Variants in ZNF709 observed in about 807,000 individuals in gnomAD.
The protein encoded by ZNF709 is zinc finger protein 709.
Under a neutral mutation model 10.6 loss-of-function variants are expected in ZNF709, and 15 were observed. The ratio of observed to expected loss-of-function variants is 1.41; its 90% CI spans 0.95 to 2.18. ZNF709 has a LOEUF of 2.18. Ranked by LOEUF, ZNF709 falls within the 30% of genes most tolerant of loss-of-function variation. ZNF709 has a pLI of 0.00. For missense variants in ZNF709, 589 were observed against 774.0 expected (o/e 0.76, Z 2.84); for synonymous variants, 194 against 238.8 (o/e 0.81, Z 1.73).
At chr19:12,466,651 C>T (rs1040504358) in intron 2 of ZNF709, 73 bp downstream of exon 2, 1 of 1,611,200 alleles carries the variant, frequency 6.2e-7, no homozygotes, top group Non-Finnish European at 8.5e-7. Context: ...CATTCTAAAC[C>T]TTGGAACCTT....
In ZNF709 at chr19:12,463,899, C is replaced by A; in HGVS notation, c.*97G>T. 3 of 1,131,852 alleles carry A rather than the reference C, an allele frequency of 2.7e-6. No homozygotes were observed. The highest frequency in any genetic ancestry group is 3.5e-6 in the Non-Finnish European group (3 of 850,320). The allele number at this position is 1,131,852 out of a possible 1,614,324, so 70.1% of individuals were successfully genotyped here. A position where few individuals can be genotyped will look rare whatever the true frequency, so the allele number is the denominator to read the frequency against. On this transcript the variant is annotated 3_prime_UTR_variant, in exon 4 of 4. Coordinates refer to ENST00000397732, the MANE Select transcript of ZNF709 (RefSeq NM_152601.4). Reference sequence around the variant, plus strand: ...CTGAGATCACTCTACTGCACTCCAGCCAGGGCAACAGAGTGAGAATTCAAC... The same window carrying A: ...CTGAGATCACTCTACTGCACTCCAGACAGGGCAACAGAGTGAGAATTCAAC...
intron 1 of ZNF709, among the ~76,000 whole-genome samples, chr19:12,471,124 A>G (rs1339122521): frequency 6.6e-6 from 1 of 152,174 alleles, no homozygotes; most frequent in Non-Finnish European, 1.5e-5. Flanking sequence ...AATATATCAT[A>G]TCACAACTTG....
chr19:12,470,569 G>T (rs1431209253), intron 1 of ZNF709, among the ~76,000 whole-genome samples: 1 of 152,136 alleles, frequency 6.6e-6, no homozygotes, highest in African/African-American at 2.4e-5. Flanking sequence ...AACATTTGTT[G>T]TCCTTCACTG....
rs981646295 is a variant in ZNF709 at position 12,464,456 on chromosome 19, C to A, written c.1466G>T (p.Ser489Ile). Residue 489 changes from serine (S) to isoleucine (I), a missense_variant, in exon 4 of 4, where the codon AGT becomes ATT. Physicochemically the swap from Ser to Ile is moderately radical, Grantham distance 142. Coordinates refer to ENST00000397732, the MANE Select transcript of ZNF709 (RefSeq NM_152601.4). ...KQCGKAFSFS[S>I]SFRMHERTHT... ...AGTCCTTTCATGCATCCGAAAGGAACTAGAAAAACTAAAGGCTTTACCACA... is the reference window on the plus strand; with the variant it reads ...AGTCCTTTCATGCATCCGAAAGGAAATAGAAAAACTAAAGGCTTTACCACA... 1.9e-6 allele frequency: 3 copies of A among 1,611,910 alleles called. No homozygotes were observed. The highest frequency in any genetic ancestry group is 2.5e-6 in the Non-Finnish European group (3 of 1,179,080).
intron 1 of ZNF709, among the ~76,000 whole-genome samples, chr19:12,467,401 C>T (rs1332907308): frequency 1.3e-5 from 2 of 152,240 alleles, no homozygotes; most frequent in Admixed American, 1.3e-4. Flanking sequence ...CCTCGGCCTC[C>T]CGAGGTGCCG....
Position 12,464,772 on chromosome 19 carries a change from G to C in ZNF709, c.1150C>G (p.Arg384Gly). The change falls in exon 4 of 4, where the codon CGA becomes GGA. Residue 384 changes from arginine (R) to glycine (G), a missense_variant. This residue lies in a region of ZNF709 where 418 missense variants were observed against 496.3 expected (regional missense o/e 0.84). Coordinates refer to ENST00000397732, the MANE Select transcript of ZNF709 (RefSeq NM_152601.4). ...DCPSSFQIHE[R>G]THTGEKPYEC... The stretch of plus-strand genomic sequence containing the variant: ...TAGGGTTTCTCTCCAGTGTGAGTTC[G>C]TTCATGGATTTGAAAAGAACTAGGA... 6.2e-7 allele frequency: 1 copy of C among 1,608,986 alleles called. No homozygotes were observed. Among genetic ancestry groups the C allele is most frequent in the South Asian group, 1.1e-5 (1 of 90,508 alleles).
intron 1 of ZNF709, among the ~76,000 whole-genome samples, chr19:12,483,170 G>T (rs981873269): frequency 2.0e-5 from 3 of 152,096 alleles, no homozygotes; most frequent in Non-Finnish European, 1.5e-5. Flanking sequence ...GAGACAAGGT[G>T]TGAGACCTTG....
At chr19:12,484,559 A>T (rs545573542) in intron 1 of ZNF709, 96 bp downstream of exon 1, 1 of 1,486,684 alleles carries the variant, frequency 6.7e-7, no homozygotes, top group Admixed American at 2.0e-5. Context: ...CCCGGGAGAC[A>T]ACGGCGGGGA....
At chr19:12,484,485 A>T (rs1276812027) in intron 1 of ZNF709, among the ~76,000 whole-genome samples, 170 bp downstream of exon 1, 2 of 151,608 alleles carry the variant, frequency 1.3e-5, no homozygotes, top group Non-Finnish European at 2.9e-5. Context: ...CTGCCGGCCC[A>T]GCCCCATCCT....
intron 1 of ZNF709, among the ~76,000 whole-genome samples, chr19:12,470,108 A>G (rs1171885608): frequency 6.6e-6 from 1 of 152,192 alleles, no homozygotes; most frequent in Non-Finnish European, 1.5e-5. Context: ...GAGGCTGGCC[A>G]TCCTCCCAAC....
At chr19:12,480,676 C>A (rs1970719114) in intron 1 of ZNF709, among the ~76,000 whole-genome samples, 1 of 133,884 alleles carries the variant, frequency 7.5e-6, no homozygotes, top group African/African-American at 2.6e-5. Flanking sequence ...GAGCAAGACT[C>A]CGTCTCAAAA....
In ZNF709 at chr19:12,484,735, C is replaced by G; in HGVS notation, c.-78G>C. On this transcript the variant is annotated 5_prime_UTR_variant, in exon 1 of 4. Coordinates refer to ENST00000397732, the MANE Select transcript of ZNF709 (RefSeq NM_152601.4). ...ACAGGTCCTACCTCCACCTGAGGCCCTTCCTCCACCTGAGGGCCTTCTGGG... is the reference window on the plus strand; with the variant it reads ...ACAGGTCCTACCTCCACCTGAGGCCGTTCCTCCACCTGAGGGCCTTCTGGG... The G allele has an allele frequency of 1.2e-6, 2 of 1,602,842 alleles. No individual in the cohort carries two copies. Among genetic ancestry groups the G allele is most frequent in the Non-Finnish European group, 8.5e-7 (1 of 1,170,226 alleles).
In ZNF709 at chr19:12,464,470, G is replaced by A; in HGVS notation, c.1452C>T (p.Ala484=). ...TCCGAAAGGAACTAGAAAAACTAAA[G>A]GCTTTACCACACTGTTTACATTCAT... ...KPYECKQCGK[A]FSFSSSFRMH... is the part of the protein sequence containing the mutation. The change falls in exon 4 of 4, where the codon GCC becomes GCT. Residue 484 remains alanine, a synonymous_variant. Transcript: ENST00000397732. The A allele has an allele frequency of 6.2e-7, 1 of 1,611,324 alleles. No individual in the cohort carries two copies. The highest frequency in any genetic ancestry group is 8.5e-7 in the Non-Finnish European group (1 of 1,179,016).
rs751227386 is a variant in ZNF709, at chr19:12,466,518, C to T, written c.132G>A (p.Gly44=). The change falls in exon 3 of 4, where the codon GGG becomes GGA. Residue 44 remains glycine, a splice_region_variant and synonymous_variant. Transcript: ENST00000397732. ...CAATGTTCTTCTCCTCCCAGTTTTC[C>T]CCTAAAATGCAGGCCCAGAAAAATC... ...QETFVNLASI[G]ENWEEKNIED... 9 of 1,613,922 alleles carry T rather than the reference C, an allele frequency of 5.6e-6. No homozygotes were observed. The highest frequency in any genetic ancestry group is 3.3e-4 in the Middle Eastern group (2 of 6,062).
At chr19:12,466,362 T>C (rs759041216) in intron 3 of ZNF709, 100 bp downstream of exon 3, 27 of 1,208,470 alleles carry the variant, frequency 2.2e-5, no homozygotes, top group Non-Finnish European at 3.0e-5. Flanking sequence ...TAAATAAATA[T>C]GAAATGGGGC....
chr19:12,480,111 T>C (rs1396854283), intron 1 of ZNF709, among the ~76,000 whole-genome samples: 1 of 151,954 alleles, frequency 6.6e-6, no homozygotes, highest in Non-Finnish European at 1.5e-5. Context: ...GTTATGATTG[T>C]GCCACTGTAC....
chr19:12,484,708 G>A lies in ZNF709; in HGVS notation c.-51C>T. 3 of 1,613,722 alleles carry A rather than the reference G, an allele frequency of 1.9e-6. No individual in the cohort carries two copies. Among genetic ancestry groups the A allele is most frequent in the Non-Finnish European group, 2.5e-6 (3 of 1,179,748 alleles). On this transcript the variant is annotated 5_prime_UTR_variant, in exon 1 of 4. Coordinates refer to ENST00000397732, the MANE Select transcript of ZNF709 (RefSeq NM_152601.4). Reference sequence around the variant, plus strand: ...GTTCTGTTTACCTCTCCCGCGGCCAGCACAGGTCCTACCTCCACCTGAGGC... The same window carrying A: ...GTTCTGTTTACCTCTCCCGCGGCCAACACAGGTCCTACCTCCACCTGAGGC...
At chr19:12,468,723 T>G (rs1412654128) in intron 1 of ZNF709, among the ~76,000 whole-genome samples, 2 of 151,904 alleles carry the variant, frequency 1.3e-5, no homozygotes, top group Non-Finnish European at 2.9e-5. Context: ...GCTATACGAT[T>G]GAAGCAAATA....
At position 12,464,904 on chromosome 19, in the gene ZNF709, C is replaced by T. The variant is rs1287577387; in HGVS notation, c.1018G>A (p.Glu340Lys). Residue 340 changes from glutamate (E) to lysine (K), a missense_variant, in exon 4 of 4, where the codon GAA (glutamate) becomes AAA (lysine). By Grantham distance (56) the Glu-to-Lys change is moderately conservative. Around this residue, in one of 2 missense-constraint regions of ZNF709, gnomAD observed 418 missense variants for 496.3 expected, o/e 0.84. Coordinates refer to ENST00000397732, the MANE Select transcript of ZNF709 (RefSeq NM_152601.4). ...HTGEKPYDCK[E>K]CGKAFISLPS... ...AGAGAAATGAATGCTTTCCCACATT[C>T]CTTACAATCATAGGGTTTCTCTCCT... The T allele has an allele frequency of 1.2e-6, 2 of 1,613,194 alleles. No homozygotes were observed. The highest frequency in any genetic ancestry group is 1.3e-5 in the African/African-American group (1 of 74,804).
Sources: allele counts gnomAD v4.1 joint callset (sites outside exome capture counted in the v4.1 genomes callset), GRCh38; gene constraint gnomAD v4.1.1; regional missense constraint gnomAD v4.1.1; transcripts MANE v1.5; gene names NCBI Gene and HGNC (gene_info 2026-07-23, HGNC 2026-07-21).